Variants in PDHX observed in about 807,000 individuals in gnomAD.
The protein encoded by PDHX is pyruvate dehydrogenase protein X component, mitochondrial.
Under a neutral mutation model 55.3 loss-of-function variants are expected in PDHX, and 33 were observed. The observed-to-expected ratio is 0.60, with a 90% CI of 0.45 to 0.80. The LOEUF (loss-of-function observed/expected upper bound fraction) is 0.80. Ranked by LOEUF, PDHX falls within the 30% of genes least tolerant of loss-of-function variation. PDHX has a pLI of 0.00. For missense variants in PDHX, 622 were observed against 619.9 expected (o/e 1.00, Z -0.04); for synonymous variants, 226 against 219.4 (o/e 1.03, Z -0.27).
At chr11:34,978,859 G>T (rs1223460853) in intron 8 of PDHX, among the ~76,000 whole-genome samples, 1 of 152,116 alleles carries the variant, frequency 6.6e-6, no homozygotes, top group Non-Finnish European at 1.5e-5. Flanking sequence ...TTTTATTATG[G>T]GTGAGAAGGA....
Position 34,970,137 on chromosome 11 carries a change from A to G in PDHX, c.817-2A>G, listed in dbSNP as rs1855225982. ...AACGGACAGGTTGCTGTCTTTTTGCAGGGCACATTCACTGAAATCCCCGCC... is the reference window on the plus strand; with the variant it reads ...AACGGACAGGTTGCTGTCTTTTTGCGGGGCACATTCACTGAAATCCCCGCC... On this transcript the variant is annotated splice_acceptor_variant, in intron 6 of 10. Coordinates refer to ENST00000227868, the MANE Select transcript of PDHX (RefSeq NM_003477.3). LOFTEE classifies it high-confidence loss of function. 6.2e-7 allele frequency: 1 copy of G among 1,613,402 alleles called. No homozygotes were observed. Among genetic ancestry groups the G allele is most frequent in the Non-Finnish European group, 8.5e-7 (1 of 1,179,480 alleles).
At chr11:34,994,681 C>G (rs1376218954) in intron 10 of PDHX, among the ~76,000 whole-genome samples, 2 of 152,172 alleles carry the variant, frequency 1.3e-5, no homozygotes, top group African/African-American at 4.8e-5. Flanking sequence ...GACCTTTTAT[C>G]TGATGACTTA....
intron 1 of PDHX, among the ~76,000 whole-genome samples, chr11:34,928,770 G>A (rs532455130): frequency 2.1e-4 from 32 of 152,198 alleles, no homozygotes; most frequent in Non-Finnish European, 4.1e-4. Flanking sequence ...AAGTTTTCCT[G>A]TGTGTAAGAG....
In PDHX at chr11:34,951,006, T is replaced by G. The variant is rs1366436331; in HGVS notation, c.342+3400T>G. ...CAGTCCCACCAGCAGTGTAAAAGTA[T>G]TCCTATTTCTCCACATCCTCTCCAG... is the stretch of plus-strand genomic sequence containing the variant. On this transcript the variant is annotated intron_variant, in intron 3 of 10. Coordinates refer to ENST00000227868, the MANE Select transcript of PDHX (RefSeq NM_003477.3). Among the ~76,000 whole-genome samples, 5 of 150,192 alleles carry G rather than the reference T, an allele frequency of 3.3e-5. No homozygotes were observed. In the East Asian group the frequency reaches 9.7e-4, roughly 29 times the overall value.
chr11:34,994,797 T>C, intron 10 of PDHX, 117 bp from the exon 11 acceptor site: 2 of 1,033,854 alleles, frequency 1.9e-6, no homozygotes, highest in South Asian at 2.7e-5. Context: ...TCATTACTCA[T>C]ATATTTTTTT....
intron 9 of PDHX, among the ~76,000 whole-genome samples, chr11:34,987,290 C>T (rs1395368902): frequency 6.6e-6 from 1 of 152,074 alleles, no homozygotes; most frequent in Admixed American, 6.6e-5. Flanking sequence ...TCTTGCTGGG[C>T]AGGTCTGTCA....
rs61760973 is a variant in PDHX at position 34,966,796 on chromosome 11, T to C, written c.798T>C (p.Pro266=). 73,852 of 1,613,592 alleles carry C rather than the reference T, an allele frequency of 0.046. 4,186 individuals carry two copies. Among genetic ancestry groups the C allele is most frequent in the African/African-American group, 0.27 (20,523 of 74,912 alleles). The part of the protein sequence containing the change: ...PRPVIPPVST[P]GQPNAVGTFT... The stretch of plus-strand genomic sequence containing the variant: ...CTGTGATCCCACCAGTATCAACTCC[T>C]GGACAACCCAATGCAGTGGTAGTGT... Residue 266 remains proline, a synonymous_variant, in exon 6 of 11, where the codon CCT becomes CCC. Transcript: ENST00000227868.
At chr11:34,950,027 CCTT>C (rs1193728522) in intron 3 of PDHX, among the ~76,000 whole-genome samples, 1 of 151,946 alleles carries the variant, frequency 6.6e-6, no homozygotes, top group Non-Finnish European at 1.5e-5. Context: ...GTACTATTCA[CCTT>C]CTTCAGTTGG....
At chr11:34,976,453 G>C (rs982349887) in intron 7 of PDHX, among the ~76,000 whole-genome samples, 1 of 152,166 alleles carries the variant, frequency 6.6e-6, no homozygotes, top group African/African-American at 2.4e-5. Flanking sequence ...TGTTAGATTT[G>C]AGATGCTTGT....
intron 7 of PDHX, among the ~76,000 whole-genome samples, chr11:34,973,736 A>G (rs953635837): frequency 6.6e-6 from 1 of 152,126 alleles, no homozygotes; most frequent in Non-Finnish European, 1.5e-5. Flanking sequence ...TTACTTCTAT[A>G]TATGATGTAA....
Position 34,980,352 on chromosome 11 carries a change from C to CTTTTTTTTTTTTTTTTTTTTTTTTTTT in PDHX, c.1023+2184_1023+2185insTTTTTTTTTTTTTTTTTTTTTTTTTTT, listed in dbSNP as rs57927359. ...TTTTTAATAAGGTTTAAGATAGTTT[C>CTTTTTTTTTTTTTTTTTTTTTTTTTTT]TTTTTTTTTTTTTTGAGCAGCAGCA... On this transcript the variant is annotated intron_variant, in intron 8 of 10. Transcript: ENST00000227868. 3.2e-4 allele frequency among the ~76,000 whole-genome samples: 24 copies of CTTTTTTTTTTTTTTTTTTTTTTTTTTT among 74,862 alleles called. 9 individuals are homozygous for CTTTTTTTTTTTTTTTTTTTTTTTTTTT. The highest frequency in any genetic ancestry group is 4.7e-4 in the Admixed American group (3 of 6,346). 49.1% of individuals were successfully genotyped at this position (74,862 alleles called of 152,430 possible). A position where few individuals can be genotyped will look rare whatever the true frequency, so the allele number is the denominator to read the frequency against.
intron 9 of PDHX, among the ~76,000 whole-genome samples, chr11:34,989,964 GA>G (rs1310468635): frequency 6.6e-6 from 1 of 152,224 alleles, no homozygotes; most frequent in East Asian, 1.9e-4. Flanking sequence ...AATTTTTCAA[GA>G]GTTTGTGGCT....
At chr11:34,925,218 A>G (rs1853990138) in intron 1 of PDHX, among the ~76,000 whole-genome samples, 1 of 152,186 alleles carries the variant, frequency 6.6e-6, no homozygotes. Context: ...ATCCTCAGCT[A>G]TGTAGATTGA....
intron 7 of PDHX, among the ~76,000 whole-genome samples, chr11:34,974,261 A>AT (rs1431393976): frequency 3.3e-5 from 5 of 152,192 alleles, no homozygotes; most frequent in Admixed American, 3.3e-4. Context: ...GTGGGATCAT[A>AT]TAGTACTTGT....
intron 7 of PDHX, among the ~76,000 whole-genome samples, chr11:34,973,052 T>C (rs1855290098): frequency 6.6e-6 from 1 of 152,212 alleles, no homozygotes. Context: ...TTCCTCATTA[T>C]AATTGTTTAT....
At chr11:34,921,164 A>T (rs551228068) in intron 1 of PDHX, among the ~76,000 whole-genome samples, 1 of 152,236 alleles carries the variant, frequency 6.6e-6, no homozygotes, top group East Asian at 1.9e-4. Context: ...TATTAAAAGG[A>T]TAGAACATCA....
At chr11:34,956,860 C>T (rs77770211) in intron 3 of PDHX, among the ~76,000 whole-genome samples, 1 of 152,168 alleles carries the variant, frequency 6.6e-6, no homozygotes, top group Admixed American at 6.5e-5. Context: ...GAATAGTTAA[C>T]CAGTTCTATC....
chr11:34,957,336 C>A (rs746221233), intron 3 of PDHX, 48 bp from the exon 4 acceptor site: 2 of 1,202,930 alleles, frequency 1.7e-6, no homozygotes, highest in Admixed American at 1.7e-5. Flanking sequence ...CTACTTAATG[C>A]AGTCATGGGG....
At chr11:34,930,799 A>G (rs1854142678) in intron 1 of PDHX, among the ~76,000 whole-genome samples, 1 of 152,222 alleles carries the variant, frequency 6.6e-6, no homozygotes, top group Admixed American at 6.5e-5. Flanking sequence ...ATGCAACAAA[A>G]TGTGAGGTTA....
Sources: gnomAD v4.1 joint callset for allele counts (sites outside exome capture counted in the v4.1 genomes callset) on GRCh38, gnomAD v4.1.1 for gene constraint, MANE v1.5 for transcripts, NCBI Gene and HGNC (gene_info 2026-07-23, HGNC 2026-07-21) for gene names.